RBPJ: variants seen among roughly 807,000 people sequenced by gnomAD.
RBPJ encodes the protein recombination signal binding protein for immunoglobulin kappa J region, also known as recombining binding protein suppressor of hairless.
Under a neutral mutation model 67.8 loss-of-function variants are expected in RBPJ, and 9 were observed. That is an observed-to-expected ratio of 0.13 (90% CI 0.08 to 0.23). The LOEUF (loss-of-function observed/expected upper bound fraction) is 0.23, where lower values mean the gene tolerates loss of function less well. Ranked by LOEUF, RBPJ falls within the 10% of genes least tolerant of loss-of-function variation. The probability of loss-of-function intolerance (pLI) is 1.00; values close to 1 mark genes in which losing one functional copy is unlikely to be tolerated. For synonymous variants in RBPJ, 198 were observed against 203.3 expected, an observed-to-expected ratio of 0.97 and a Z score of 0.22; for missense variants, 305 against 595.6, an observed-to-expected ratio of 0.51 and a Z score of 5.08.
At chr4:26,411,321 A>G (rs1394196441) in intron 3 of RBPJ, among the ~76,000 whole-genome samples, 1 of 150,402 alleles carries the variant, frequency 6.6e-6, no homozygotes, top group Non-Finnish European at 1.5e-5. Flanking sequence ...GTGGCCTTTT[A>G]TTTTTACCCC....
At chr4:26,224,240 C>CT (rs1719010689) in intron 1 of RBPJ, among the ~76,000 whole-genome samples, 1 of 150,742 alleles carries the variant, frequency 6.6e-6, no homozygotes, top group African/African-American at 2.4e-5. Context: ...ACACAAGATT[C>CT]TTTTTTTGAG....
chr4:26,361,904 T>C (rs1255257401), intron 1 of RBPJ, among the ~76,000 whole-genome samples: 1 of 152,196 alleles, frequency 6.6e-6, no homozygotes, highest in Non-Finnish European at 1.5e-5. Flanking sequence ...GCGGTAAAAC[T>C]TGATGGTTAG....
At chr4:26,422,820 C>G (rs1189212913) in intron 5 of RBPJ, among the ~76,000 whole-genome samples, 1 of 152,148 alleles carries the variant, frequency 6.6e-6, no homozygotes, top group Non-Finnish European at 1.5e-5. Context: ...GTACTCCAGC[C>G]CCACTTTCTT....
chr4:26,358,642 G>C (rs1727671533), intron 1 of RBPJ, among the ~76,000 whole-genome samples: 4 of 151,638 alleles, frequency 2.6e-5, no homozygotes, highest in African/African-American at 7.3e-5. Flanking sequence ...AAGTTAGTGG[G>C]GTACGTGGTG....
chr4:26,345,257 G>GAGAT (rs1294696685), intron 1 of RBPJ, among the ~76,000 whole-genome samples: 1 of 152,224 alleles, frequency 6.6e-6, no homozygotes, highest in African/African-American at 2.4e-5. Context: ...TAGGGGGCTA[G>GAGAT]AGATCTCTTT....
intron 1 of RBPJ, among the ~76,000 whole-genome samples, chr4:26,191,202 TATATATATAGAGAGAGAGAG>T (rs1169448457): frequency 3.1e-5 from 1 of 32,174 alleles, no homozygotes; most frequent in Non-Finnish European, 5.4e-5. Context: ...TATATATATA[TATATATATAGAGAGAGAGAG>T]AGAGAGAGAG....
At chr4:26,406,095 T>G in intron 2 of RBPJ, 80 bp from the exon 3 acceptor site, 3 of 857,708 alleles carry the variant, frequency 3.5e-6, no homozygotes, top group Non-Finnish European at 5.7e-6. Context: ...AGCATTCCTC[T>G]CATTACAGAG....
chr4:26,155,409 T>A, the RBPJ span, among the ~76,000 whole-genome samples: 1 of 151,422 alleles, frequency 6.6e-6, no homozygotes, highest in Non-Finnish European at 1.5e-5. Context: ...CTCACCTTTT[T>A]CTCTTTTTAG....
chr4:26,292,576 G>A (rs1414673038), intron 1 of RBPJ, among the ~76,000 whole-genome samples: 1 of 149,700 alleles, frequency 6.7e-6, no homozygotes, highest in Non-Finnish European at 1.5e-5. Context: ...GCCCACCATC[G>A]GGCTCAGCTA....
chr4:26,181,889 T>A (rs1258062296), intron 1 of RBPJ, among the ~76,000 whole-genome samples: 1 of 152,102 alleles, frequency 6.6e-6, no homozygotes, highest in African/African-American at 2.4e-5. Flanking sequence ...GAGTGGTGAG[T>A]GAATGTGAAG....
intron 3 of RBPJ, among the ~76,000 whole-genome samples, chr4:26,412,167 T>C (rs1163346231): frequency 6.6e-6 from 1 of 150,876 alleles, no homozygotes; most frequent in East Asian, 2.0e-4. Flanking sequence ...ATTTGACTAC[T>C]GTATTTGGCA....
chr4:26,269,619 C>G (rs1367907935), intron 1 of RBPJ, among the ~76,000 whole-genome samples: 1 of 152,132 alleles, frequency 6.6e-6, no homozygotes, highest in Non-Finnish European at 1.5e-5. Context: ...CTACCTGCCT[C>G]CCCCACCGGA....
chr4:26,324,730 T>C (rs1055926305), intron 1 of RBPJ, among the ~76,000 whole-genome samples: 18 of 152,188 alleles, frequency 1.2e-4, no homozygotes, highest in African/African-American at 4.3e-4. Flanking sequence ...GGTTTCGCCA[T>C]GTTGGCCAGG....
chr4:26,255,352 C>A (rs1256879753), intron 1 of RBPJ, among the ~76,000 whole-genome samples: 1 of 106,074 alleles, frequency 9.4e-6, no homozygotes. Context: ...TGCAGTGAGC[C>A]GAGATCGCGC....
At chr4:26,241,233 T>G (rs938604548) in intron 1 of RBPJ, among the ~76,000 whole-genome samples, 6 of 152,010 alleles carry the variant, frequency 3.9e-5, no homozygotes, top group African/African-American at 1.2e-4. Context: ...TTGAGCACTT[T>G]CCACCACACA....
chr4:26,229,057 T>C (rs1719183913), intron 1 of RBPJ, among the ~76,000 whole-genome samples: 1 of 152,174 alleles, frequency 6.6e-6, no homozygotes, highest in South Asian at 2.1e-4. Flanking sequence ...CCCATGACTA[T>C]AGCCAAGCAA....
intron 5 of RBPJ, among the ~76,000 whole-genome samples, chr4:26,421,095 A>G (rs1735089948): frequency 6.6e-6 from 1 of 152,130 alleles, no homozygotes; most frequent in South Asian, 2.1e-4. Context: ...ATCTACCCAC[A>G]ATGTCAACAA....
chr4:26,235,550 T>A (rs75639924), intron 1 of RBPJ, among the ~76,000 whole-genome samples: 3,017 of 152,318 alleles, frequency 0.02, 113 homozygotes, highest in African/African-American at 0.069. Flanking sequence ...ATGATCATCT[T>A]TGGTGATGCA....
intron 1 of RBPJ, among the ~76,000 whole-genome samples, chr4:26,213,740 G>A (rs1406107465): frequency 6.6e-6 from 1 of 152,172 alleles, no homozygotes; most frequent in African/African-American, 2.4e-5. Flanking sequence ...GGTGACTCTG[G>A]CTGTTGGATG....
Sources: gnomAD v4.1 joint callset for allele counts (sites outside exome capture counted in the v4.1 genomes callset) on GRCh38, gnomAD v4.1.1 for gene constraint, MANE v1.5 for transcripts, NCBI Gene and HGNC (gene_info 2026-07-23, HGNC 2026-07-21) for gene names.